The following DGKI variants were observed in gnomAD, a reference collection of about 807,000 sequenced individuals.
The protein encoded by DGKI is DAG kinase iota.
A neutral mutation model predicts 147.5 loss-of-function variants in DGKI; 55 were observed. That is an observed-to-expected ratio of 0.37 (90% CI 0.30 to 0.47). The LOEUF (loss-of-function observed/expected upper bound fraction) is 0.47, where lower values mean the gene tolerates loss of function less well. Ranked by LOEUF, DGKI falls within the 20% of genes least tolerant of loss-of-function variation. The pLI, the probability that DGKI is intolerant of heterozygous loss-of-function variation, is 1.00. For missense variants in DGKI, 1,007 were observed against 1,323.8 expected, an observed-to-expected ratio of 0.76 and a Z score of 3.71; for synonymous variants, 469 against 477.1, an observed-to-expected ratio of 0.98 and a Z score of 0.22.
chr7:137,747,136 G>A (rs1315179911), intron 1 of DGKI, among the ~76,000 whole-genome samples: 1 of 152,014 alleles, frequency 6.6e-6, no homozygotes, highest in Non-Finnish European at 1.5e-5. Context: ...AAGCGGGTAG[G>A]GGATTAGATC....
intron 2 of DGKI, among the ~76,000 whole-genome samples, chr7:137,682,111 T>C (rs983324427): frequency 5.9e-5 from 9 of 152,136 alleles, no homozygotes; most frequent in African/African-American, 1.9e-4. Context: ...GGGAGTTCTA[T>C]GAGTGTTTCT....
At chr7:137,474,412 A>AAAAAAAG (rs1585150346) in intron 23 of DGKI, among the ~76,000 whole-genome samples, 2 of 152,338 alleles carry the variant, frequency 1.3e-5, no homozygotes, top group East Asian at 3.9e-4. Context: ...AGTAATCGGT[A>AAAAAAAG]AAACAAGAAA....
At chr7:137,741,877 G>T (rs1004331838) in intron 1 of DGKI, among the ~76,000 whole-genome samples, 6 of 152,140 alleles carry the variant, frequency 3.9e-5, no homozygotes, top group Non-Finnish European at 7.3e-5. Context: ...CATAGGGGCT[G>T]CTTTCTAGTA....
intron 1 of DGKI, among the ~76,000 whole-genome samples, chr7:137,705,165 T>G (rs978352026): frequency 6.6e-6 from 1 of 152,100 alleles, no homozygotes; most frequent in African/African-American, 2.4e-5. Flanking sequence ...AAGAATAAAA[T>G]AGTAAATCAC....
chr7:137,507,635 A>T (rs1655617155), intron 21 of DGKI, among the ~76,000 whole-genome samples: 1 of 152,204 alleles, frequency 6.6e-6, no homozygotes, highest in Admixed American at 6.5e-5. Context: ...CATTCACTTA[A>T]TCATTTTAGC....
rs368622882 is a variant in DGKI at position 137,463,469 on chromosome 7, A to T, written c.2735+20T>A. Reference sequence around the variant, plus strand: ...CAATCACAGTGGCACAGAGGAAAAGAACAGCAAGAGAACTCTTACTGTAGC... The same window carrying T: ...CAATCACAGTGGCACAGAGGAAAAGTACAGCAAGAGAACTCTTACTGTAGC... On this transcript the variant is annotated intron_variant, in intron 27 of 32. Transcript: ENST00000614521. 3.1e-6 allele frequency: 5 copies of T among 1,612,730 alleles called. No homozygotes were observed. The highest frequency in any genetic ancestry group is 1.7e-5 in the Admixed American group (1 of 60,000).
intron 27 of DGKI, among the ~76,000 whole-genome samples, chr7:137,458,293 A>C (rs1285430839): frequency 1.3e-5 from 2 of 152,224 alleles, no homozygotes; most frequent in African/African-American, 4.8e-5. Flanking sequence ...AGCCTTGTGC[A>C]GCTGATCGGG....
At chr7:137,672,292 G>T (rs199655606) in intron 3 of DGKI, among the ~76,000 whole-genome samples, 1 of 152,186 alleles carries the variant, frequency 6.6e-6, no homozygotes, top group Non-Finnish European at 1.5e-5. Context: ...AGAAAGCAAA[G>T]AAGCCATAAA....
chr7:137,557,693 T>G (rs904725735), intron 19 of DGKI, among the ~76,000 whole-genome samples: 4 of 152,194 alleles, frequency 2.6e-5, no homozygotes, highest in African/African-American at 9.7e-5. Flanking sequence ...CATTTCCTAC[T>G]GAGAAGCACT....
intron 28 of DGKI, among the ~76,000 whole-genome samples, chr7:137,428,922 A>G (rs1464328121): frequency 1.3e-5 from 2 of 152,206 alleles, no homozygotes; most frequent in Non-Finnish European, 2.9e-5. Flanking sequence ...GAAATGGAAC[A>G]ACATTCCATG....
intron 8 of DGKI, among the ~76,000 whole-genome samples, chr7:137,611,682 G>C (rs915702833): frequency 3.3e-5 from 5 of 152,130 alleles, no homozygotes; most frequent in Admixed American, 6.5e-5. Flanking sequence ...GAAGCAGTTA[G>C]CTGGGTATTC....
chr7:137,665,408 C>T (rs1822600441), intron 3 of DGKI, among the ~76,000 whole-genome samples: 1 of 152,190 alleles, frequency 6.6e-6, no homozygotes, highest in Non-Finnish European at 1.5e-5. Flanking sequence ...TTCAATCCTA[C>T]CCCTTGGGCA....
At chr7:137,574,169 T>A (rs1045855258) in intron 17 of DGKI, among the ~76,000 whole-genome samples, 2 of 152,214 alleles carry the variant, frequency 1.3e-5, no homozygotes, top group Non-Finnish European at 2.9e-5. Context: ...TCGATCTCCA[T>A]ACAGCCTAAT....
intron 23 of DGKI, among the ~76,000 whole-genome samples, chr7:137,483,813 A>G (rs545803136): frequency 1.6e-4 from 25 of 152,210 alleles, no homozygotes; most frequent in African/African-American, 4.8e-4. Context: ...TCCATAGTAT[A>G]TATGTACCAC....
Position 137,691,798 on chromosome 7 carries a change from G to GGTTTTTTTTTTT in DGKI, c.402-1797_402-1796insAAAAAAAAAAAC, listed in dbSNP as rs1313820202. 9.4e-4 allele frequency among the ~76,000 whole-genome samples: 90 copies of GGTTTTTTTTTTT among 95,816 alleles called. 1 individual carries two copies. The highest frequency in any genetic ancestry group is 6.8e-3 in the Middle Eastern group (1 of 146). 62.9% of individuals were successfully genotyped at this position (95,816 alleles called of 152,430 possible). On this transcript the variant is annotated intron_variant, in intron 1 of 32. Coordinates refer to ENST00000614521, the MANE Select transcript of DGKI (RefSeq NM_001321708.2). Reference sequence around the variant, plus strand: ...GCTCAGCAAGTGTCTAGACCTTTGGGTTTTTTTTTTTTTTTTTTTTTTTAA... The same window carrying GGTTTTTTTTTTT: ...GCTCAGCAAGTGTCTAGACCTTTGGGGTTTTTTTTTTTTTTTTTTTTTTTTTTTTTTTTTTAA...
chr7:137,697,233 C>T (rs1281032635), intron 1 of DGKI, among the ~76,000 whole-genome samples: 2 of 152,210 alleles, frequency 1.3e-5, no homozygotes, highest in Non-Finnish European at 2.9e-5. Context: ...TAGGGTTTGG[C>T]TAACTTCAAA....
In DGKI at chr7:137,791,368, A is replaced by G. The variant is rs1372976951; in HGVS notation, c.401+55094T>C. Among the ~76,000 whole-genome samples the G allele has an allele frequency of 2.0e-5, 3 of 152,166 alleles. No individual in the cohort carries two copies. The East Asian group carries it at 5.8e-4, about 29-fold the overall frequency. On this transcript the variant is annotated intron_variant, in intron 1 of 32. Coordinates refer to ENST00000614521, the MANE Select transcript of DGKI (RefSeq NM_001321708.2). ...GGGTCAGTGGTCCTGACATAGGAAG[A>G]TTCTCTACCCCTGCTCAAAATCTTT...
intron 17 of DGKI, among the ~76,000 whole-genome samples, chr7:137,573,559 C>A (rs1818865314): frequency 1.3e-5 from 2 of 152,180 alleles, no homozygotes; most frequent in African/African-American, 4.8e-5. Context: ...TGCCCGCCAC[C>A]ACGCCCAGCT....
At chr7:137,478,783 A>C (rs2128932710) in intron 23 of DGKI, among the ~76,000 whole-genome samples, 1 of 152,318 alleles carries the variant, frequency 6.6e-6, no homozygotes, top group Middle Eastern at 3.4e-3. Context: ...GCTTCATGGA[A>C]GCTCTAGGTT....
Sources: allele counts gnomAD v4.1 joint callset (sites outside exome capture counted in the v4.1 genomes callset), GRCh38; gene constraint gnomAD v4.1.1; transcripts MANE v1.5; gene names NCBI Gene and HGNC (gene_info 2026-07-23, HGNC 2026-07-21).